SWT1: variants seen among roughly 807,000 people sequenced by gnomAD.
The protein encoded by SWT1 is SWT1 RNA endoribonuclease homolog.
SWT1 carries 33 observed loss-of-function variants against 107.3 expected under a neutral mutation model. The ratio of observed to expected loss-of-function variants is 0.31; its 90% CI spans 0.23 to 0.41. The LOEUF is 0.41. SWT1 is among the 10% of genes least tolerant of loss of function. The pLI, the probability that SWT1 is intolerant of heterozygous loss-of-function variation, is 1.00. For missense variants in SWT1, 898 were observed against 1,028.9 expected, an observed-to-expected ratio of 0.87 and a Z score of 1.74; for synonymous variants, 345 against 348.3, an observed-to-expected ratio of 0.99 and a Z score of 0.11.
At chr1:185,252,608 C>T (rs963791379) in intron 16 of SWT1, among the ~76,000 whole-genome samples, 60 of 151,962 alleles carry the variant, frequency 3.9e-4, no homozygotes, top group South Asian at 1.9e-3. Context: ...TCATGTCCTT[C>T]GCCCACTTTT....
chr1:185,231,925 T>C (rs1660535962), intron 16 of SWT1, among the ~76,000 whole-genome samples: 1 of 152,158 alleles, frequency 6.6e-6, no homozygotes, highest in African/African-American at 2.4e-5. Context: ...CTGAATTAGA[T>C]ATATAGGTTG....
chr1:185,181,646 C>T (rs925227451), intron 6 of SWT1, among the ~76,000 whole-genome samples: 5 of 152,108 alleles, frequency 3.3e-5, no homozygotes, highest in African/African-American at 1.2e-4. Flanking sequence ...TCATTTATTC[C>T]TCACAAAAAT....
chr1:185,282,384 A>G (rs1354817474), intron 18 of SWT1, among the ~76,000 whole-genome samples: 1 of 151,818 alleles, frequency 6.6e-6, no homozygotes, highest in East Asian at 1.9e-4. Flanking sequence ...GTTAAAAAAA[A>G]AAAATCCCTG....
At chr1:185,212,858 G>C (rs899574284) in intron 13 of SWT1, among the ~76,000 whole-genome samples, 11 of 151,482 alleles carry the variant, frequency 7.3e-5, no homozygotes, top group African/African-American at 2.4e-4. Flanking sequence ...AAAAATCACA[G>C]TTTATGTTCT....
intron 5 of SWT1, among the ~76,000 whole-genome samples, chr1:185,178,602 T>C (rs115254479): frequency 0.024 from 3,653 of 152,140 alleles, 131 homozygotes; most frequent in African/African-American, 0.082. Flanking sequence ...TGTTCGGTGG[T>C]GGAAAATTCA....
chr1:185,273,681 C>T lies in SWT1; in HGVS notation c.2508+2292C>T, dbSNP rs568149857. On this transcript the variant is annotated intron_variant, in intron 17 of 18. Transcript: ENST00000367500. ...TCACACCACTGCACTCCAGCCCAGG[C>T]GACAGTGTGAGACTCTGTCTCAAAT... is the stretch of plus-strand genomic sequence containing the variant. Among the ~76,000 whole-genome samples the T allele has an allele frequency of 4.6e-5, 7 of 151,568 alleles. No homozygotes were observed. The South Asian group carries it at 6.3e-4, about 14-fold the overall frequency.
intron 16 of SWT1, among the ~76,000 whole-genome samples, chr1:185,248,330 AT>A (rs796284161): frequency 3.3e-5 from 5 of 152,048 alleles, no homozygotes; most frequent in African/African-American, 1.2e-4. Flanking sequence ...ACCAATAACA[AT>A]TTTTTTTCAT....
At chr1:185,201,390 G>A (rs1008419700) in intron 10 of SWT1, among the ~76,000 whole-genome samples, 3 of 152,144 alleles carry the variant, frequency 2.0e-5, no homozygotes, top group African/African-American at 4.8e-5. Flanking sequence ...GTAGGCACCC[G>A]AGGGAATCTC....
intron 10 of SWT1, among the ~76,000 whole-genome samples, chr1:185,198,837 CA>C (rs779207726): frequency 4.1e-5 from 6 of 147,096 alleles, no homozygotes; most frequent in Non-Finnish European, 8.9e-5. Context: ...TGTGTCTTTT[CA>C]CATGAGATGG....
At chr1:185,210,113 GT>G (rs1404621041) in intron 13 of SWT1, among the ~76,000 whole-genome samples, 1 of 152,076 alleles carries the variant, frequency 6.6e-6, no homozygotes, top group Non-Finnish European at 1.5e-5. Context: ...TGTTGATTCT[GT>G]ATATTAGCTG....
At chr1:185,278,314 C>T (rs749553406) in intron 18 of SWT1, among the ~76,000 whole-genome samples, 1 of 152,138 alleles carries the variant, frequency 6.6e-6, no homozygotes, top group Non-Finnish European at 1.5e-5. Flanking sequence ...TAATTCCTTC[C>T]CTTCTGCCAT....
At chr1:185,239,450 G>A (rs1263313840) in intron 16 of SWT1, among the ~76,000 whole-genome samples, 3 of 151,954 alleles carry the variant, frequency 2.0e-5, no homozygotes, top group African/African-American at 7.2e-5. Context: ...AGCAGTTGTC[G>A]GTATGGTTAT....
chr1:185,264,190 C>CTTT, intron 16 of SWT1: 2 of 221,180 alleles, frequency 9.0e-6, no homozygotes, highest in Non-Finnish European at 1.5e-5. Context: ...TTTGGCGCCT[C>CTTT]TTTTTTTTTT....
In SWT1 at chr1:185,220,546, C is replaced by T. The variant is rs1659578829; in HGVS notation, c.2122-1303C>T. Among the ~76,000 whole-genome samples, 2 of 152,086 alleles carry T rather than the reference C, an allele frequency of 1.3e-5. 1 individual carries two copies. The highest frequency in any genetic ancestry group is 2.9e-5 in the Non-Finnish European group (2 of 68,010). On this transcript the variant is annotated intron_variant, in intron 14 of 18. Transcript: ENST00000367500. ...TTTTCCCCCTTCAGTTTGTCTATTT[C>T]ATCTCCTAAGACTTGTCTCCATGAG...
At chr1:185,204,268 C>A (rs1404933562) in intron 11 of SWT1, among the ~76,000 whole-genome samples, 1 of 151,318 alleles carries the variant, frequency 6.6e-6, no homozygotes, top group East Asian at 1.9e-4. Flanking sequence ...CAGAGCGAGA[C>A]TCCGTCTCAA....
chr1:185,269,549 G>T (rs943941809), intron 16 of SWT1, among the ~76,000 whole-genome samples: 1 of 151,956 alleles, frequency 6.6e-6, no homozygotes, highest in South Asian at 2.1e-4. Context: ...AAGCTCTCCC[G>T]CAAGTGTAAT....
chr1:185,262,579 C>A (rs1477820590), intron 16 of SWT1: 1 of 152,164 alleles, frequency 6.6e-6, no homozygotes, highest in Non-Finnish European at 1.5e-5. Flanking sequence ...GCCACCATAA[C>A]AAAATACCAC....
chr1:185,255,967 G>A (rs1273017948), intron 16 of SWT1, among the ~76,000 whole-genome samples: 2 of 151,850 alleles, frequency 1.3e-5, no homozygotes, highest in Admixed American at 6.6e-5. Context: ...CTCTTTTAGG[G>A]CAGGCCTGGT....
At chr1:185,165,180 T>C (rs1654465901) in intron 2 of SWT1, among the ~76,000 whole-genome samples, 1 of 152,204 alleles carries the variant, frequency 6.6e-6, no homozygotes. Flanking sequence ...TGAAGTTTGC[T>C]GTCTCATATG....
Sources: gnomAD v4.1 joint callset for allele counts (sites outside exome capture counted in the v4.1 genomes callset) on GRCh38, gnomAD v4.1.1 for gene constraint, MANE v1.5 for transcripts, NCBI Gene and HGNC (gene_info 2026-07-23, HGNC 2026-07-21) for gene names.